The following APP variants were observed in gnomAD, a reference collection of about 807,000 sequenced individuals.
The protein encoded by APP is amyloid-beta precursor protein.
Under a neutral mutation model 101.4 loss-of-function variants are expected in APP, and 31 were observed. The observed-to-expected ratio is 0.31, with a 90% CI of 0.23 to 0.41. The LOEUF (loss-of-function observed/expected upper bound fraction) is 0.41, where lower values mean the gene tolerates loss of function less well. Among genes scored for constraint, APP ranks in the 10% least tolerant of loss-of-function variants. The probability of loss-of-function intolerance (pLI) is 1.00; values close to 1 mark genes in which losing one functional copy is unlikely to be tolerated. For synonymous variants in APP, 366 were observed against 364.4 expected, an observed-to-expected ratio of 1.00 and a Z score of -0.05; for missense variants, 839 against 1,003.7, an observed-to-expected ratio of 0.84 and a Z score of 2.22.
At chr21:26,161,909 TGAG>T (rs1012881408) in intron 1 of APP, among the ~76,000 whole-genome samples, 1 of 151,810 alleles carries the variant, frequency 6.6e-6, no homozygotes, top group Non-Finnish European at 1.5e-5. Flanking sequence ...TTGAAGTAGA[TGAG>T]GATTTTTTTT....
chr21:25,890,678 G>A (rs1486077157), intron 17 of APP, among the ~76,000 whole-genome samples: 1 of 143,848 alleles, frequency 7.0e-6, no homozygotes, highest in African/African-American at 2.6e-5. Context: ...GGCAGAGGTT[G>A]CAGTGAGCCA....
intron 11 of APP, among the ~76,000 whole-genome samples, chr21:25,956,130 G>A (rs1326713994): frequency 6.6e-6 from 1 of 152,166 alleles, no homozygotes; most frequent in Non-Finnish European, 1.5e-5. Context: ...ATTGCTACGT[G>A]TACATTTTGA....
At chr21:25,932,774 A>G (rs1239844461) in intron 13 of APP, among the ~76,000 whole-genome samples, 1 of 152,160 alleles carries the variant, frequency 6.6e-6, no homozygotes, top group Non-Finnish European at 1.5e-5. Flanking sequence ...ATTATGATAT[A>G]CTAAATAATT....
chr21:25,907,631 T>C (rs945272665), intron 14 of APP, among the ~76,000 whole-genome samples: 1 of 152,234 alleles, frequency 6.6e-6, no homozygotes, highest in African/African-American at 2.4e-5. Context: ...AATCAAATCC[T>C]TTGCTGTAAG....
intron 5 of APP, among the ~76,000 whole-genome samples, chr21:26,023,723 C>T (rs1411824783): frequency 6.6e-6 from 1 of 152,194 alleles, no homozygotes; most frequent in Non-Finnish European, 1.5e-5. Flanking sequence ...AAAACCAACA[C>T]AGATCACCAG....
At chr21:25,977,126 A>G (rs1000792054) in intron 9 of APP, among the ~76,000 whole-genome samples, 6 of 152,206 alleles carry the variant, frequency 3.9e-5, no homozygotes, top group African/African-American at 4.8e-5. Flanking sequence ...TAGGAAATCA[A>G]TGCTTCCTGC....
At chr21:26,094,358 C>T (rs1176806961) in intron 2 of APP, among the ~76,000 whole-genome samples, 1 of 151,950 alleles carries the variant, frequency 6.6e-6, no homozygotes, top group Non-Finnish European at 1.5e-5. Context: ...GAGCAAGACC[C>T]TTTTGATAAA....
intron 15 of APP, 123 bp downstream of exon 15, chr21:25,904,901 T>C (rs1478684353): frequency 9.5e-6 from 8 of 838,824 alleles, no homozygotes; most frequent in African/African-American, 5.1e-5. Context: ...GTTTCTAAGG[T>C]CACTTCAAAT....
intron 1 of APP, among the ~76,000 whole-genome samples, chr21:26,116,913 A>G (rs2062447956): frequency 6.6e-6 from 1 of 151,800 alleles, no homozygotes. Context: ...ACACTGTCAC[A>G]CTCCACCACC....
At chr21:26,017,220 T>TAAAAAAAAAAAAAAAAAAA (rs2044132833) in intron 6 of APP, among the ~76,000 whole-genome samples, 1 of 45,712 alleles carries the variant, frequency 2.2e-5, no homozygotes, top group Non-Finnish European at 5.2e-5. Context: ...AAAAAAAAAT[T>TAAAAAAAAAAAAAAAAAAA]CTTGGCCTTA....
At chr21:26,110,307 G>T (rs143585783) in intron 2 of APP, among the ~76,000 whole-genome samples, 7 of 152,058 alleles carry the variant, frequency 4.6e-5, no homozygotes, top group Non-Finnish European at 8.8e-5. Flanking sequence ...TTAGCTGGGC[G>T]TGGTGGCGGG....
intron 2 of APP, among the ~76,000 whole-genome samples, chr21:26,108,075 A>T (rs1170755941): frequency 1.3e-5 from 2 of 152,210 alleles, no homozygotes; most frequent in Non-Finnish European, 2.9e-5. Flanking sequence ...CACTTGCCAG[A>T]TCATGGGATC....
intron 5 of APP, among the ~76,000 whole-genome samples, chr21:26,032,060 T>C (rs2044854396): frequency 6.6e-6 from 1 of 152,218 alleles, no homozygotes; most frequent in African/African-American, 2.4e-5. Flanking sequence ...AATTGTATCA[T>C]AAAGGTAAAG....
chr21:26,118,063 C>T (rs1297880875), intron 1 of APP, among the ~76,000 whole-genome samples: 1 of 152,076 alleles, frequency 6.6e-6, no homozygotes, highest in African/African-American at 2.4e-5. Context: ...AACCTAATAC[C>T]AAGCTTTTTT....
intron 2 of APP, among the ~76,000 whole-genome samples, chr21:26,107,997 C>G (rs553177893): frequency 1.1e-3 from 165 of 152,248 alleles, no homozygotes; most frequent in Non-Finnish European, 1.4e-3. Flanking sequence ...AGCCTTGTTC[C>G]CTGACTTGCA....
At chr21:25,935,694 G>T (rs1170457982) in intron 13 of APP, among the ~76,000 whole-genome samples, 1 of 151,964 alleles carries the variant, frequency 6.6e-6, no homozygotes, top group Non-Finnish European at 1.5e-5. Context: ...ACAAAAATTA[G>T]CTGGGTGTGG....
chr21:26,149,343 G>A (rs999112798), intron 1 of APP, among the ~76,000 whole-genome samples: 6 of 152,306 alleles, frequency 3.9e-5, no homozygotes, highest in East Asian at 1.9e-4. Flanking sequence ...ACAGGCTGCT[G>A]AAAAGAAAAA....
intron 6 of APP, among the ~76,000 whole-genome samples, chr21:26,015,193 C>T (rs2043996719): frequency 6.6e-6 from 1 of 152,066 alleles, no homozygotes; most frequent in Non-Finnish European, 1.5e-5. Flanking sequence ...ATTGGTTTAC[C>T]TTTAACATTC....
At chr21:26,040,599 C>T (rs1180972213) in intron 5 of APP, among the ~76,000 whole-genome samples, 3 of 138,676 alleles carry the variant, frequency 2.2e-5, no homozygotes, top group Non-Finnish European at 4.8e-5. Flanking sequence ...GAGACTCCGT[C>T]TCCATTAAAA....
Sources: allele counts gnomAD v4.1 joint callset (sites outside exome capture counted in the v4.1 genomes callset), GRCh38; gene constraint gnomAD v4.1.1; transcripts MANE v1.5; gene names NCBI Gene and HGNC (gene_info 2026-07-23, HGNC 2026-07-21).